Variants in RSPO2 observed in about 807,000 individuals in gnomAD.
The protein encoded by RSPO2 is R-spondin-2.
Under a neutral mutation model 30.9 loss-of-function variants are expected in RSPO2, and 14 were observed. That is an observed-to-expected ratio of 0.45 (90% CI 0.30 to 0.71). RSPO2 has a LOEUF of 0.71. RSPO2 is among the 30% of genes least tolerant of loss of function. The probability of loss-of-function intolerance (pLI) is 0.08; values close to 1 mark genes in which losing one functional copy is unlikely to be tolerated. For missense variants in RSPO2, 264 were observed against 301.9 expected, an observed-to-expected ratio of 0.87 and a Z score of 0.93; for synonymous variants, 107 against 96.4, an observed-to-expected ratio of 1.11 and a Z score of -0.64.
intron 2 of RSPO2, among the ~76,000 whole-genome samples, chr8:107,991,388 T>C (rs1333715459): frequency 1.3e-5 from 2 of 152,082 alleles, no homozygotes; most frequent in South Asian, 2.1e-4. Context: ...TTATGCTATA[T>C]ATAAAAATTA....
intron 3 of RSPO2, chr8:107,983,299 G>T: frequency 6.2e-7 from 1 of 1,604,132 alleles, no homozygotes; most frequent in Middle Eastern, 2.3e-4. Context: ...ATTGCAAAGG[G>T]ATAGCCATAT....
intron 2 of RSPO2, among the ~76,000 whole-genome samples, chr8:108,032,119 C>T (rs1383790865): frequency 6.6e-6 from 1 of 152,132 alleles, no homozygotes; most frequent in Non-Finnish European, 1.5e-5. Flanking sequence ...TTCAGTATAA[C>T]ATCTTGCACA....
At chr8:108,037,686 G>A (rs949064949) in intron 2 of RSPO2, among the ~76,000 whole-genome samples, 1 of 152,110 alleles carries the variant, frequency 6.6e-6, no homozygotes, top group Non-Finnish European at 1.5e-5. Flanking sequence ...TCTTGTTAGG[G>A]GCTAATGCAG....
chr8:107,921,241 C>G (rs573487680), intron 5 of RSPO2, among the ~76,000 whole-genome samples: 60 of 150,974 alleles, frequency 4.0e-4, no homozygotes, highest in African/African-American at 1.4e-3. Context: ...TGAAAAATTT[C>G]TAAGACTATA....
chr8:108,069,200 AACACACACACACAC>A (rs56977468), intron 2 of RSPO2, among the ~76,000 whole-genome samples: 124 of 148,364 alleles, frequency 8.4e-4, no homozygotes, highest in Middle Eastern at 3.5e-3. Context: ...TGTATGTGTG[AACACACACACACAC>A]ACACACACAC....
At chr8:108,039,823 T>G (rs1811699410) in intron 2 of RSPO2, among the ~76,000 whole-genome samples, 1 of 152,150 alleles carries the variant, frequency 6.6e-6, no homozygotes, top group Non-Finnish European at 1.5e-5. Context: ...TGATGGTATC[T>G]GAAGGTAGGT....
intron 5 of RSPO2, among the ~76,000 whole-genome samples, chr8:107,923,278 T>G (rs1019790864): frequency 2.0e-5 from 3 of 152,104 alleles, no homozygotes; most frequent in Non-Finnish European, 4.4e-5. Context: ...AACAGATGCT[T>G]TTCAAAAGAT....
intron 3 of RSPO2, among the ~76,000 whole-genome samples, chr8:107,963,471 C>T (rs1813696112): frequency 8.3e-6 from 1 of 119,998 alleles, no homozygotes. Context: ...CTGCAGTGAG[C>T]TGTGTTTGCA....
intron 5 of RSPO2, among the ~76,000 whole-genome samples, chr8:107,948,578 G>A (rs2130398345): frequency 6.6e-6 from 1 of 152,248 alleles, no homozygotes; most frequent in Admixed American, 6.5e-5. Context: ...AAATAACTCT[G>A]CACCTAAATA....
At chr8:108,064,031 A>G (rs1812572545) in intron 2 of RSPO2, among the ~76,000 whole-genome samples, 1 of 152,222 alleles carries the variant, frequency 6.6e-6, no homozygotes, top group Non-Finnish European at 1.5e-5. Flanking sequence ...AATTAATTCA[A>G]GATGGATTAA....
intron 2 of RSPO2, among the ~76,000 whole-genome samples, chr8:108,006,306 G>A (rs529370226): frequency 6.6e-5 from 10 of 151,900 alleles, no homozygotes; most frequent in African/African-American, 2.4e-4. Flanking sequence ...ATATATTCAG[G>A]GGAAAAAATA....
intron 2 of RSPO2, among the ~76,000 whole-genome samples, chr8:108,058,065 G>T (rs1030725372): frequency 6.6e-6 from 1 of 152,032 alleles, no homozygotes; most frequent in Non-Finnish European, 1.5e-5. Flanking sequence ...GTTTTCAAAG[G>T]GAATGCTTCC....
chr8:107,939,412 G>A lies in RSPO2; in HGVS notation c.616+18668C>T, dbSNP rs1159423986. 4.0e-5 allele frequency among the ~76,000 whole-genome samples: 6 copies of A among 151,462 alleles called. No homozygotes were observed. The East Asian group carries it at 1.2e-3, about 29-fold the overall frequency. ...TATAGAAAAGTTACTAGACCAAAGGGCTCAATGATGAAAAAGTTATTATGG... is the reference window on the plus strand; with the variant it reads ...TATAGAAAAGTTACTAGACCAAAGGACTCAATGATGAAAAAGTTATTATGG... On this transcript the variant is annotated intron_variant, in intron 5 of 5. Coordinates refer to ENST00000276659, the MANE Select transcript of RSPO2 (RefSeq NM_178565.5).
At chr8:107,974,277 A>G (rs1463662132) in intron 3 of RSPO2, among the ~76,000 whole-genome samples, 3 of 151,218 alleles carry the variant, frequency 2.0e-5, no homozygotes, top group Non-Finnish European at 4.4e-5. Context: ...ACATTAGCCC[A>G]GGAGTTTGAG....
intron 2 of RSPO2, among the ~76,000 whole-genome samples, chr8:108,062,058 C>T (rs888363876): frequency 2.0e-5 from 3 of 151,792 alleles, no homozygotes; most frequent in African/African-American, 7.3e-5. Context: ...AAACTTATAG[C>T]ACTAAATGCC....
At chr8:107,945,438 C>T (rs1234443646) in intron 5 of RSPO2, among the ~76,000 whole-genome samples, 4 of 151,430 alleles carry the variant, frequency 2.6e-5, no homozygotes, top group East Asian at 3.9e-4. Context: ...TTAGTAGAGA[C>T]GGGGTTTCAC....
chr8:108,061,350 C>A (rs1044854444), intron 2 of RSPO2, among the ~76,000 whole-genome samples: 6 of 151,554 alleles, frequency 4.0e-5, no homozygotes, highest in African/African-American at 7.3e-5. Flanking sequence ...ATCTACCAAG[C>A]AAATGGAAAA....
At chr8:107,944,753 A>C (rs188750963) in intron 5 of RSPO2, among the ~76,000 whole-genome samples, 21 of 152,300 alleles carry the variant, frequency 1.4e-4, no homozygotes, top group Admixed American at 3.9e-4. Flanking sequence ...TTTAGTTTCC[A>C]GTCTGTAAAG....
intron 3 of RSPO2, 96 bp from the exon 4 acceptor site, chr8:107,960,913 T>G (rs1563540224): frequency 1.1e-6 from 1 of 872,346 alleles, no homozygotes; most frequent in Non-Finnish European, 1.7e-6. Context: ...GTTAGCCCAT[T>G]TGAAATTCTC....
Sources: allele counts gnomAD v4.1 joint callset (sites outside exome capture counted in the v4.1 genomes callset), GRCh38; gene constraint gnomAD v4.1.1; transcripts MANE v1.5; gene names NCBI Gene and HGNC (gene_info 2026-07-23, HGNC 2026-07-21).